Variants in PCDH15 observed in about 807,000 individuals in gnomAD.
The protein encoded by PCDH15 is protocadherin related 15.
Under a neutral mutation model 178.5 loss-of-function variants are expected in PCDH15, and 129 were observed. That is an observed-to-expected ratio of 0.72 (90% confidence interval 0.63 to 0.84). The LOEUF (loss-of-function observed/expected upper bound fraction) is 0.84. PCDH15 is among the 40% of genes least tolerant of loss of function. The pLI, the probability that PCDH15 is intolerant of heterozygous loss-of-function variation, is 0.00. For missense variants in PCDH15, 2,230 were observed against 2,099.9 expected (o/e 1.06, Z -1.21); for synonymous variants, 800 against 732.0 (o/e 1.09, Z -1.50).
chr10:55,439,442 T>C (rs932274501), intron 2 of PCDH15, among the ~76,000 whole-genome samples: 2 of 151,992 alleles, frequency 1.3e-5, no homozygotes, highest in Non-Finnish European at 2.9e-5. Flanking sequence ...GAGAACCTAA[T>C]AGAGAATGAC....
chr10:55,047,372 TA>T (rs1841035928), intron 2 of PCDH15, among the ~76,000 whole-genome samples: 1 of 148,846 alleles, frequency 6.7e-6, no homozygotes, highest in East Asian at 2.0e-4. Context: ...TAAAATTATG[TA>T]AAAACTTTGT....
chr10:55,402,839 A>G (rs1281769242), intron 2 of PCDH15, among the ~76,000 whole-genome samples: 3 of 151,956 alleles, frequency 2.0e-5, no homozygotes, highest in Admixed American at 6.6e-5. Context: ...ATAAATACCC[A>G]GTAGTGTGAT....
intron 26 of PCDH15, among the ~76,000 whole-genome samples, chr10:53,887,354 C>T (rs140943685): frequency 2.0e-5 from 3 of 152,176 alleles, no homozygotes; most frequent in African/African-American, 7.2e-5. Context: ...CTATGCTAAC[C>T]AATAAGAAAA....
intron 2 of PCDH15, among the ~76,000 whole-genome samples, chr10:54,971,173 T>C (rs1450814550): frequency 1.3e-5 from 2 of 152,142 alleles, no homozygotes; most frequent in Non-Finnish European, 2.9e-5. Context: ...ATAGTTTTAA[T>C]GTTTGTGTCC....
At chr10:55,082,638 A>T (rs1002012728) in intron 2 of PCDH15, among the ~76,000 whole-genome samples, 46 of 151,318 alleles carry the variant, frequency 3.0e-4, no homozygotes, top group African/African-American at 1.1e-3. Context: ...TTTTAAAAAG[A>T]TAAAATTGAC....
At chr10:55,435,380 A>T (rs1490130529) in intron 2 of PCDH15, among the ~76,000 whole-genome samples, 1 of 152,148 alleles carries the variant, frequency 6.6e-6, no homozygotes, top group Non-Finnish European at 1.5e-5. Context: ...TTGATAATGT[A>T]TTGTTACTTT....
intron 2 of PCDH15, among the ~76,000 whole-genome samples, chr10:55,026,252 T>A (rs2131961016): frequency 6.6e-6 from 1 of 152,056 alleles, no homozygotes; most frequent in Non-Finnish European, 1.5e-5. Context: ...ACATAGATAA[T>A]AATTATTCTA....
chr10:55,264,055 G>A (rs1842218510), intron 1 of PCDH15, among the ~76,000 whole-genome samples: 1 of 152,108 alleles, frequency 6.6e-6, no homozygotes, highest in African/African-American at 2.4e-5. Context: ...TTCTAAGTGA[G>A]GGGGCTCCCC....
At chr10:53,851,656 A>C in intron 28 of PCDH15, among the ~76,000 whole-genome samples, 1 of 135,758 alleles carries the variant, frequency 7.4e-6, no homozygotes, top group African/African-American at 2.7e-5. Context: ...GAGACCTTCT[A>C]ATTATCCTCC....
upstream of PCDH15, among the ~76,000 whole-genome samples, chr10:54,804,375 C>T (rs765640943): frequency 1.3e-5 from 2 of 152,136 alleles, no homozygotes; most frequent in Non-Finnish European, 2.9e-5. Context: ...AAATAGTATA[C>T]ATTCCCTGTT....
chr10:55,438,605 A>G (rs564892953), intron 2 of PCDH15, among the ~76,000 whole-genome samples: 1 of 152,234 alleles, frequency 6.6e-6, no homozygotes, highest in East Asian at 1.9e-4. Flanking sequence ...GATAAAATAC[A>G]GGAAAAATGT....
Position 55,198,589 on chromosome 10 carries a change from C to T in PCDH15, c.-155-31938G>A, listed in dbSNP as rs571930187. Among the ~76,000 whole-genome samples, 24 of 152,214 alleles carry T rather than the reference C, an allele frequency of 1.6e-4. 1 individual carries two copies. Among genetic ancestry groups the T allele is most frequent in the Middle Eastern group, 6.8e-3 (2 of 294 alleles). On this transcript the variant is annotated intron_variant, in intron 1 of 5. Coordinates refer to the PCDH15 transcript ENST00000458638. ...GCAAGCTCCGCCTCCTGGGTTCACG[C>T]CATTCCCCTGCCTCAGCCTCCCGAA...
intron 3 of PCDH15, among the ~76,000 whole-genome samples, chr10:54,815,079 G>A (rs1231864284): frequency 1.3e-5 from 2 of 151,458 alleles, no homozygotes; most frequent in African/African-American, 4.9e-5. Context: ...GTTGACCCTT[G>A]GACAATAAGG....
At chr10:54,405,781 G>T (rs1163843177) in intron 3 of PCDH15, among the ~76,000 whole-genome samples, 1 of 149,314 alleles carries the variant, frequency 6.7e-6, no homozygotes, top group Admixed American at 6.7e-5. Context: ...AGATGTATAA[G>T]AATATATACA....
chr10:55,052,887 A>C (rs1841201618), intron 2 of PCDH15, among the ~76,000 whole-genome samples: 1 of 152,184 alleles, frequency 6.6e-6, no homozygotes, highest in Non-Finnish European at 1.5e-5. Context: ...CCTTAATAGA[A>C]AGAGCATCAC....
chr10:55,243,869 T>C (rs10509028), intron 1 of PCDH15, among the ~76,000 whole-genome samples: 24,808 of 152,054 alleles, frequency 0.16, 2,072 homozygotes, highest in South Asian at 0.19. Flanking sequence ...TCTTATTGTC[T>C]CTCTGAATGC....
At chr10:55,227,849 GA>G (rs988663924) in intron 1 of PCDH15, among the ~76,000 whole-genome samples, 13 of 152,106 alleles carry the variant, frequency 8.5e-5, no homozygotes, top group African/African-American at 2.7e-4. Context: ...AAGGAGTAGT[GA>G]AAAAATCAAT....
chr10:55,423,358 A>G (rs1589013289), intron 2 of PCDH15, among the ~76,000 whole-genome samples: 1 of 152,034 alleles, frequency 6.6e-6, no homozygotes, highest in African/African-American at 2.4e-5. Flanking sequence ...TACAGAGAGA[A>G]CTAAAATTTT....
chr10:55,396,056 T>C (rs2132019366), intron 2 of PCDH15, among the ~76,000 whole-genome samples: 1 of 145,060 alleles, frequency 6.9e-6, no homozygotes, highest in South Asian at 2.2e-4. Flanking sequence ...ATTTTCTGGA[T>C]TCGTTAGATA....
Sources: allele counts gnomAD v4.1 joint callset (sites outside exome capture counted in the v4.1 genomes callset), GRCh38; gene constraint gnomAD v4.1.1; transcripts MANE v1.5; gene names NCBI Gene and HGNC (gene_info 2026-07-23, HGNC 2026-07-21).